BTAF1: variants seen among roughly 807,000 people sequenced by gnomAD.
The protein encoded by BTAF1 is B-TFIID TATA-box binding protein associated factor 1.
BTAF1 carries 38 observed loss-of-function variants against 227.1 expected under a neutral mutation model. That is an observed-to-expected ratio of 0.17 (90% CI 0.13 to 0.22). BTAF1 has a LOEUF of 0.22. BTAF1 is among the 10% of genes least tolerant of loss of function. BTAF1 has a pLI of 1.00. For missense variants in BTAF1, 1,598 were observed against 2,204.0 expected (o/e 0.73, Z 5.51); for synonymous variants, 742 against 751.9 (o/e 0.99, Z 0.21).
chr10:92,012,936 T>G (rs948811787), intron 30 of BTAF1, among the ~76,000 whole-genome samples: 8 of 152,120 alleles, frequency 5.3e-5, no homozygotes, highest in African/African-American at 1.9e-4. Context: ...CGGAAGAAGT[T>G]TTTTGGTTTT....
intron 24 of BTAF1, chr10:91,997,073 C>T: frequency 7.8e-7 from 1 of 1,276,494 alleles, no homozygotes; most frequent in Non-Finnish European, 1.0e-6. Flanking sequence ...CTCAAAGTAT[C>T]TGAAAGATAT....
At chr10:91,975,831 AG>A (rs2133958845) in intron 14 of BTAF1, among the ~76,000 whole-genome samples, 1 of 152,364 alleles carries the variant, frequency 6.6e-6, no homozygotes, top group South Asian at 2.1e-4. Flanking sequence ...TCTGCCAGTT[AG>A]GGATCTATGG....
chr10:92,016,583 A>T, intron 33 of BTAF1, 118 bp downstream of exon 33: 1 of 814,012 alleles, frequency 1.2e-6, no homozygotes, highest in Non-Finnish European at 1.8e-6. Context: ...GGTTCAAGCT[A>T]TCATGCCTCA....
chr10:92,005,858 G>A (rs1244459857), intron 25 of BTAF1, among the ~76,000 whole-genome samples: 1 of 149,928 alleles, frequency 6.7e-6, no homozygotes, highest in East Asian at 1.9e-4. Flanking sequence ...TCTGGTTTAT[G>A]TTTTTGTTTT....
At position 91,951,492 on chromosome 10, in the gene BTAF1, A is replaced by G; in HGVS notation, c.490A>G (p.Ser164Gly). The change falls in exon 5 of 38, where the codon AGT becomes GGT. Residue 164 changes from serine to glycine, a missense_variant. Physicochemically the swap from Ser to Gly is moderately conservative, Grantham distance 56. This residue lies in a region of BTAF1 where 298 missense variants were observed against 395.2 expected (regional missense o/e 0.75). Transcript: ENST00000265990. ...TAATATGGGAGAAGCAATTGGAATGAGTACTGAAGAACTTTTCAATGATGA... is the reference window on the plus strand; with the variant it reads ...TAATATGGGAGAAGCAATTGGAATGGGTACTGAAGAACTTTTCAATGATGA... Reference protein sequence around the residue: ...GLNMGEAIGMSTEELFNDEDL... With the variant: ...GLNMGEAIGMGTEELFNDEDL... 6.2e-7 allele frequency: 1 copy of G among 1,612,592 alleles called. No homozygotes were observed. The highest frequency in any genetic ancestry group is 8.5e-7 in the Non-Finnish European group (1 of 1,179,518).
At chr10:91,924,189 C>T in intron 1 of BTAF1, 99 bp downstream of exon 1, 1 of 1,485,526 alleles carries the variant, frequency 6.7e-7, no homozygotes, top group Non-Finnish European at 9.0e-7. Flanking sequence ...TTCTCATTGT[C>T]ACTGGGCTCT....
chr10:91,994,375 G>A (rs889921306), intron 22 of BTAF1, among the ~76,000 whole-genome samples, 160 bp from the exon 23 acceptor site: 26 of 152,072 alleles, frequency 1.7e-4, no homozygotes, highest in African/African-American at 5.8e-4. Flanking sequence ...TGCTCTACAT[G>A]TAGTACCCCA....
In BTAF1 at chr10:92,027,320, T is replaced by C. The variant is rs1162366168; in HGVS notation, c.5406+20T>C. 1.3e-6 allele frequency: 2 copies of C among 1,579,306 alleles called. No individual in the cohort carries two copies. Among genetic ancestry groups the C allele is most frequent in the East Asian group, 4.5e-5 (2 of 44,520 alleles). On this transcript the variant is annotated intron_variant, in intron 37 of 37. Coordinates refer to ENST00000265990, the MANE Select transcript of BTAF1 (RefSeq NM_003972.3). ...GATAAGGTAAAGAACTTACACAATT[T>C]GTTGTATCTTTGAGTCACAGGCTTC...
intron 21 of BTAF1, among the ~76,000 whole-genome samples, chr10:91,993,048 T>A (rs948422036): frequency 2.0e-5 from 3 of 152,242 alleles, no homozygotes; most frequent in African/African-American, 7.2e-5. Flanking sequence ...AGTTTCTTTT[T>A]AAAATCAACA....
rs989262093 is a variant in BTAF1 at position 91,993,844 on chromosome 10, T to A, written c.3196T>A (p.Phe1066Ile). The A allele has an allele frequency of 4.4e-6, 7 of 1,589,372 alleles. No homozygotes were observed. The highest frequency in any genetic ancestry group is 6.0e-6 in the Non-Finnish European group (7 of 1,166,300). The change falls in exon 22 of 38, where the codon TTT becomes ATT. Residue 1066 changes from phenylalanine to isoleucine, a missense_variant. Transcript: ENST00000265990. Reference protein sequence around the residue: ...PLRNTIDINNFDGKSLLDKGD... With the variant: ...PLRNTIDINNIDGKSLLDKGD... ...GAGGAATACAATCGACATAAATAAT[T>A]TTGGTATACACATATTTTTATGAGT...
Position 91,951,438 on chromosome 10 carries a change from C to T in BTAF1, c.436C>T (p.Arg146Ter). Residue 146 changes from arginine (R) to a stop codon, truncating the protein, a stop_gained, in exon 5 of 38, where the codon CGA becomes TGA. Coordinates refer to ENST00000265990, the MANE Select transcript of BTAF1 (RefSeq NM_003972.3). LOFTEE classifies it high-confidence loss of function. ...TCCTAAAGAGAGGATAGCACGCCAA[C>T]GAAAATTATTACAGAAGAAACTTGG... Reference protein sequence around the residue: ...VDPKERIARQRKLLQKKLGLN... With the variant: ...VDPKERIARQ 6.2e-7 allele frequency: 1 copy of T among 1,611,906 alleles called. No homozygotes were observed.
Position 91,923,841 on chromosome 10 carries a change from G to C in BTAF1, c.-236G>C. ...TACCCGGTTTGAAGTCGTGCGGGTC[G>C]GAGGACTGCCGCCTCCGCTACCGTC... On this transcript the variant is annotated 5_prime_UTR_variant, in exon 1 of 38. Coordinates refer to ENST00000265990, the MANE Select transcript of BTAF1 (RefSeq NM_003972.3). 2.2e-6 allele frequency: 1 copy of C among 449,962 alleles called. No individual in the cohort carries two copies. The highest frequency in any genetic ancestry group is 3.9e-6 in the Non-Finnish European group (1 of 254,368). The allele number at this position is 449,962 out of a possible 1,614,324, so 27.9% of individuals were successfully genotyped here. A position where few individuals can be genotyped will look rare whatever the true frequency, so the allele number is the denominator to read the frequency against.
At position 91,987,369 on chromosome 10, in the gene BTAF1, G is replaced by A. The variant is rs564162248; in HGVS notation, c.2428-1785G>A. On this transcript the variant is annotated intron_variant, in intron 19 of 37. Transcript: ENST00000265990. ...GTGGTGGTGGGTGCCTGTAGTCCCA[G>A]CTACTCGGGAGGCTGAAGCAGGAGA... 3.0e-3 allele frequency among the ~76,000 whole-genome samples: 462 copies of A among 152,136 alleles called. 9 individuals carry two copies. The highest frequency in any genetic ancestry group is 0.011 in the African/African-American group (452 of 41,506).
chr10:92,013,641 A>C (rs1256771324), intron 30 of BTAF1, 26 bp from the exon 31 acceptor site: 2 of 1,613,734 alleles, frequency 1.2e-6, no homozygotes, highest in Non-Finnish European at 1.7e-6. Flanking sequence ...CCCAGTACAA[A>C]AGATAATTGG....
rs569007013 is a variant in BTAF1, at chr10:91,953,436, G to A, written c.565-301G>A. On this transcript the variant is annotated intron_variant, in intron 5 of 37. Coordinates refer to ENST00000265990, the MANE Select transcript of BTAF1 (RefSeq NM_003972.3). ...TTGGTGATATTATTTTTATTTTGAA[G>A]TCTTACCTCTTCAAGGCCTTCTCTA... Among the ~76,000 whole-genome samples, 386 of 151,954 alleles carry A rather than the reference G, an allele frequency of 2.5e-3. 1 individual carries two copies. The highest frequency in any genetic ancestry group is 7.3e-3 in the Admixed American group (112 of 15,282).
At chr10:91,982,402 A>G (rs1848129204) in intron 17 of BTAF1, 177 bp downstream of exon 17, 1 of 1,038,598 alleles carries the variant, frequency 9.6e-7, no homozygotes, top group South Asian at 1.8e-5. Context: ...TTAAAGCTTT[A>G]AAATAGGATT....
chr10:91,954,393 T>C (rs1845955450), intron 6 of BTAF1, among the ~76,000 whole-genome samples: 1 of 152,206 alleles, frequency 6.6e-6, no homozygotes, highest in African/African-American at 2.4e-5. Flanking sequence ...TGTAGTCCTG[T>C]TGAAGAAAAG....
chr10:91,997,043 C>A, intron 24 of BTAF1: 1 of 1,138,096 alleles, frequency 8.8e-7, no homozygotes, highest in Non-Finnish European at 1.2e-6. Flanking sequence ...AAGGGTATGG[C>A]AGCAGCTAAC....
At chr10:91,985,153 C>T (rs1848319451) in intron 19 of BTAF1, among the ~76,000 whole-genome samples, 1 of 152,080 alleles carries the variant, frequency 6.6e-6, no homozygotes, top group African/African-American at 2.4e-5. Context: ...CCTCTCCCTG[C>T]CACCGAGTAA....
Sources: gnomAD v4.1 joint callset for allele counts (sites outside exome capture counted in the v4.1 genomes callset) on GRCh38, gnomAD v4.1.1 for gene constraint, gnomAD v4.1.1 regional missense constraint, MANE v1.5 for transcripts, NCBI Gene and HGNC (gene_info 2026-07-23, HGNC 2026-07-21) for gene names.